The following CDH4 variants were observed in gnomAD, a reference collection of about 807,000 sequenced individuals.
The protein encoded by CDH4 is cadherin-4.
A neutral mutation model predicts 86.0 loss-of-function variants in CDH4; 33 were observed. The observed-to-expected ratio is 0.38, with a 90% confidence interval of 0.29 to 0.51. The LOEUF is 0.51. Among genes scored for constraint, CDH4 ranks in the 20% least tolerant of loss-of-function variants. CDH4 has a pLI of 0.86. For missense variants in CDH4, 1,114 were observed against 1,307.4 expected (o/e 0.85, Z 2.28); for synonymous variants, 555 against 549.4 (o/e 1.01, Z -0.14).
intron 2 of CDH4, among the ~76,000 whole-genome samples, chr20:61,671,144 G>A (rs955560903): frequency 6.6e-6 from 1 of 150,746 alleles, no homozygotes; most frequent in Non-Finnish European, 1.5e-5. Context: ...TGATGGTTGG[G>A]TGGATGGGTG....
At chr20:61,431,642 G>C (rs1462518880) in intron 2 of CDH4, among the ~76,000 whole-genome samples, 1 of 152,172 alleles carries the variant, frequency 6.6e-6, no homozygotes, top group Non-Finnish European at 1.5e-5. Flanking sequence ...CTATAGGAGT[G>C]AACAGCCATG....
chr20:61,436,377 A>G (rs1008498754), intron 2 of CDH4: 1 of 152,276 alleles, frequency 6.6e-6, no homozygotes, highest in Non-Finnish European at 1.5e-5. Context: ...CCCACTTCAG[A>G]TGCAAGCCAC....
chr20:61,775,662 A>G (rs8123976), intron 4 of CDH4, among the ~76,000 whole-genome samples: 79,539 of 152,014 alleles, frequency 0.52, 21,020 homozygotes, highest in East Asian at 0.71. Context: ...GGGCTGCCCA[A>G]GCCACCCTCA....
At chr20:61,710,814 C>A (rs1321117562) in intron 2 of CDH4, among the ~76,000 whole-genome samples, 1 of 152,204 alleles carries the variant, frequency 6.6e-6, no homozygotes, top group Non-Finnish European at 1.5e-5. Flanking sequence ...CATGCTCAGC[C>A]CTGCTCGAAG....
At position 61,393,772 on chromosome 20, in the gene CDH4, C is replaced by G. The variant is rs982767977; in HGVS notation, c.169+138835C>G. On this transcript the variant is annotated intron_variant, in intron 2 of 15. Coordinates refer to ENST00000614565, the MANE Select transcript of CDH4 (RefSeq NM_001794.5). The surrounding 1 kb of genome is among the most constrained non-coding windows in gnomAD (Gnocchi z 4.3). ...TGAGGATTACACGAGTCCTGGAGAC[C>G]GTGCAGTGAACTCTTACACCCCAGG... Among the ~76,000 whole-genome samples the G allele has an allele frequency of 6.6e-6, 1 of 151,966 alleles. No individual in the cohort carries two copies. The highest frequency in any genetic ancestry group is 2.1e-4 in the South Asian group (1 of 4,796).
intron 2 of CDH4, among the ~76,000 whole-genome samples, chr20:61,394,259 C>T (rs971885310): frequency 6.6e-6 from 1 of 152,088 alleles, no homozygotes; most frequent in Non-Finnish European, 1.5e-5. Context: ...TCATTTCCAC[C>T]CGGGAAGGCA....
chr20:61,676,130 A>G lies in CDH4; in HGVS notation c.170-67433A>G, dbSNP rs1238791335. On this transcript the variant is annotated intron_variant, in intron 2 of 15. Transcript: ENST00000614565. The surrounding 1 kb of genome is among the most constrained non-coding windows in gnomAD (Gnocchi z 4.5). ...GGTCCAAGGTCTGAGACTTAATTCC[A>G]GGTTCTCTGAATGGGGCCTGCCAGT... Among the ~76,000 whole-genome samples the G allele has an allele frequency of 1.3e-5, 2 of 152,208 alleles. No individual in the cohort carries two copies. Among genetic ancestry groups the G allele is most frequent in the African/African-American group, 4.8e-5 (2 of 41,448 alleles).
intron 2 of CDH4, among the ~76,000 whole-genome samples, chr20:61,422,680 ATGCAATTGCTGAGCACCTCAGC>A (rs2085186909): frequency 6.6e-6 from 1 of 152,158 alleles, no homozygotes; most frequent in African/African-American, 2.4e-5. Flanking sequence ...TTAGGACAAG[ATGCAATTGCTGAGCACCTCAGC>A]TGCAGAAGGG....
intron 2 of CDH4, among the ~76,000 whole-genome samples, chr20:61,701,877 C>T (rs78321815): frequency 0.016 from 2,450 of 152,302 alleles, 62 homozygotes; most frequent in African/African-American, 0.056. Context: ...AGACTGCTTT[C>T]GAGTGGGACA....
chr20:61,675,355 C>A (rs1262543254), intron 2 of CDH4, among the ~76,000 whole-genome samples: 1 of 62,078 alleles, frequency 1.6e-5, no homozygotes, highest in South Asian at 1.1e-3. Flanking sequence ...AAACAACCAT[C>A]GTAGGGGCTG....
intron 2 of CDH4, among the ~76,000 whole-genome samples, chr20:61,645,356 G>T (rs1411771550): frequency 6.6e-6 from 1 of 152,232 alleles, no homozygotes; most frequent in Admixed American, 6.5e-5. Context: ...GCCAGGTGCA[G>T]CTGCTCACAC....
chr20:61,487,987 T>G (rs990873584), intron 2 of CDH4, among the ~76,000 whole-genome samples: 1 of 152,188 alleles, frequency 6.6e-6, no homozygotes, highest in Admixed American at 6.5e-5. Context: ...TATCTGTTTG[T>G]CACCCCCAGA....
chr20:61,545,862 G>A (rs998560397), intron 2 of CDH4, among the ~76,000 whole-genome samples: 1 of 150,146 alleles, frequency 6.7e-6, no homozygotes, highest in Non-Finnish European at 1.5e-5. Context: ...GTGTGCATGT[G>A]TGTAGAGGGT....
chr20:61,725,904 C>T (rs540540499), intron 2 of CDH4, among the ~76,000 whole-genome samples: 2 of 152,306 alleles, frequency 1.3e-5, no homozygotes, highest in East Asian at 1.9e-4. Flanking sequence ...GGGAGGCTTG[C>T]GGCTCTAGAA....
At chr20:61,801,362 TG>T (rs1350074394) in intron 4 of CDH4, among the ~76,000 whole-genome samples, 2 of 152,110 alleles carry the variant, frequency 1.3e-5, no homozygotes, top group Non-Finnish European at 2.9e-5. Context: ...CAAACACTGG[TG>T]TGTGTGGTTA....
At chr20:61,262,729 A>G (rs1333723592) in intron 2 of CDH4, among the ~76,000 whole-genome samples, 3 of 152,002 alleles carry the variant, frequency 2.0e-5, no homozygotes, top group Non-Finnish European at 4.4e-5. Context: ...GATAAAGGAA[A>G]GGGCTTTTTC....
At chr20:61,826,705 A>G (rs6061848) in intron 4 of CDH4, among the ~76,000 whole-genome samples, 9,930 of 152,282 alleles carry the variant, frequency 0.065, 566 homozygotes, top group African/African-American at 0.16. Flanking sequence ...CACCTACTGC[A>G]TGCATTAGGG....
At chr20:61,607,924 C>G (rs1237328995) in intron 2 of CDH4, among the ~76,000 whole-genome samples, 11 of 152,164 alleles carry the variant, frequency 7.2e-5, no homozygotes, top group Admixed American at 7.2e-4. Flanking sequence ...CAGAGTCTCC[C>G]TACCCTCTCA....
At chr20:61,513,158 C>G (rs1326711634) in intron 2 of CDH4, among the ~76,000 whole-genome samples, 1 of 152,136 alleles carries the variant, frequency 6.6e-6, no homozygotes, top group Non-Finnish European at 1.5e-5. Context: ...CTGCCATTGG[C>G]CCCTTCCATC....
Sources: allele counts gnomAD v4.1 joint callset (sites outside exome capture counted in the v4.1 genomes callset), GRCh38; gene constraint gnomAD v4.1.1; non-coding constraint Gnocchi (gnomAD v3.1); transcripts MANE v1.5; gene names NCBI Gene and HGNC (gene_info 2026-07-23, HGNC 2026-07-21).